The following ADAMTS3 variants were observed in gnomAD, a reference collection of about 807,000 sequenced individuals.
ADAMTS3 encodes A disintegrin and metalloproteinase with thrombospondin motifs 3.
Under a neutral mutation model 129.0 loss-of-function variants are expected in ADAMTS3, and 73 were observed. The observed-to-expected ratio is 0.57, with a 90% CI of 0.47 to 0.69. The LOEUF is 0.69. ADAMTS3 is among the 30% of genes least tolerant of loss of function. The probability of loss-of-function intolerance (pLI) is 0.00; values close to 1 mark genes in which losing one functional copy is unlikely to be tolerated. For synonymous variants in ADAMTS3, 477 were observed against 510.8 expected (o/e 0.93, Z 0.89); for missense variants, 1,457 against 1,514.5 (o/e 0.96, Z 0.63).
In ADAMTS3 at chr4:72,350,337, T is replaced by C. The variant is rs570725098; in HGVS notation, c.662-10644A>G. On this transcript the variant is annotated intron_variant, in intron 4 of 21. Transcript: ENST00000286657. ...TTTATATCTTCTATGTTTTCTAAGA[T>C]GTATAAACTATAGATTTAATGATTG... 3.3e-5 allele frequency among the ~76,000 whole-genome samples: 5 copies of C among 152,194 alleles called. 1 individual carries two copies. The South Asian group carries it at 1.0e-3, about 32-fold the overall frequency.
At chr4:72,418,478 A>G (rs1368939260) in intron 3 of ADAMTS3, among the ~76,000 whole-genome samples, 2 of 152,142 alleles carry the variant, frequency 1.3e-5, no homozygotes, top group Admixed American at 1.3e-4. Flanking sequence ...ACTCCACACA[A>G]TCATCCAGGA....
chr4:72,407,280 G>T (rs914126665), intron 4 of ADAMTS3, among the ~76,000 whole-genome samples: 2 of 151,866 alleles, frequency 1.3e-5, no homozygotes, highest in East Asian at 3.9e-4. Flanking sequence ...TAAAAAAAAT[G>T]GTTCTAATAC....
At chr4:72,452,830 T>C (rs1289122735) in intron 3 of ADAMTS3, among the ~76,000 whole-genome samples, 1 of 151,894 alleles carries the variant, frequency 6.6e-6, no homozygotes, top group Admixed American at 6.6e-5. Context: ...GTTCTAACTA[T>C]TTACTTGTGT....
chr4:72,523,679 A>C (rs1238214086), intron 3 of ADAMTS3, among the ~76,000 whole-genome samples: 1 of 152,040 alleles, frequency 6.6e-6, no homozygotes, highest in African/African-American at 2.4e-5. Flanking sequence ...TGAACTTACC[A>C]ATATGCAACC....
chr4:72,535,707 CT>C (rs1721169167), intron 3 of ADAMTS3, among the ~76,000 whole-genome samples: 5 of 152,080 alleles, frequency 3.3e-5, no homozygotes, highest in African/African-American at 9.7e-5. Context: ...ACACCCACTC[CT>C]TGCTGGATGC....
chr4:72,490,656 A>C (rs771229415), intron 3 of ADAMTS3, among the ~76,000 whole-genome samples: 3 of 151,830 alleles, frequency 2.0e-5, no homozygotes, highest in Non-Finnish European at 4.4e-5. Context: ...CAGTTGACTG[A>C]GTATGCGTGA....
chr4:72,451,653 C>A (rs1178903152), intron 3 of ADAMTS3, among the ~76,000 whole-genome samples: 1 of 151,746 alleles, frequency 6.6e-6, no homozygotes, highest in Non-Finnish European at 1.5e-5. Context: ...TGATTCCAAA[C>A]TTTCAAAGTA....
intron 15 of ADAMTS3, among the ~76,000 whole-genome samples, chr4:72,308,318 G>A (rs901110447): frequency 6.6e-6 from 1 of 151,820 alleles, no homozygotes; most frequent in African/African-American, 2.4e-5. Flanking sequence ...AAAAACATTA[G>A]AATATAGTCT....
At chr4:72,353,196 T>C (rs1720488891) in intron 4 of ADAMTS3, among the ~76,000 whole-genome samples, 1 of 151,988 alleles carries the variant, frequency 6.6e-6, no homozygotes, top group Non-Finnish European at 1.5e-5. Context: ...AGGGCTTCCA[T>C]GTCCTTGTTA....
In ADAMTS3 at chr4:72,397,008, T is replaced by C. The variant is rs188816306; in HGVS notation, c.661+17807A>G. ...CAGCCAAATCCACTCCTTTTTCACATTGGAGTTGACACATTTCATGCCCTC... is the reference window on the plus strand; with the variant it reads ...CAGCCAAATCCACTCCTTTTTCACACTGGAGTTGACACATTTCATGCCCTC... On this transcript the variant is annotated intron_variant, in intron 4 of 21. Transcript: ENST00000286657. Among the ~76,000 whole-genome samples, 169 of 152,268 alleles carry C rather than the reference T, an allele frequency of 1.1e-3. 1 individual carries two copies. Among genetic ancestry groups the C allele is most frequent in the African/African-American group, 3.7e-3 (155 of 41,552 alleles).
At chr4:72,372,371 CA>C (rs1721031079) in intron 4 of ADAMTS3, among the ~76,000 whole-genome samples, 1 of 151,648 alleles carries the variant, frequency 6.6e-6, no homozygotes, top group South Asian at 2.1e-4. Context: ...TACAAATTGC[CA>C]ATATAAGGAA....
intron 3 of ADAMTS3, among the ~76,000 whole-genome samples, chr4:72,529,231 G>A (rs1720894332): frequency 6.6e-6 from 1 of 152,152 alleles, no homozygotes; most frequent in South Asian, 2.1e-4. Context: ...AACGAAGTAA[G>A]GAGTTGAGGG....
chr4:72,365,898 T>C (rs1207907228), intron 4 of ADAMTS3, among the ~76,000 whole-genome samples: 2 of 152,194 alleles, frequency 1.3e-5, no homozygotes, highest in African/African-American at 4.8e-5. Flanking sequence ...TACTGATGAA[T>C]TTTATGGTTC....
At chr4:72,341,452 C>T (rs1241195742) in intron 4 of ADAMTS3, among the ~76,000 whole-genome samples, 1 of 152,204 alleles carries the variant, frequency 6.6e-6, no homozygotes, top group East Asian at 1.9e-4. Context: ...CAAACCCTCA[C>T]TGAGGTTAAG....
rs1722044414 is a variant in ADAMTS3 at position 72,567,419 on chromosome 4, A to G, written c.70-18T>C. On this transcript the variant is annotated intron_variant, in intron 1 of 21. Coordinates refer to ENST00000286657, the MANE Select transcript of ADAMTS3 (RefSeq NM_014243.3). Reference sequence around the variant, plus strand: ...TTACCAGCCTGGAAAGGAGGGGGAAAGCAAGAAAAAGAAAGTTACTGGGTT... The same window carrying G: ...TTACCAGCCTGGAAAGGAGGGGGAAGGCAAGAAAAAGAAAGTTACTGGGTT... 6.2e-7 allele frequency: 1 copy of G among 1,612,802 alleles called. No individual in the cohort carries two copies. Among genetic ancestry groups the G allele is most frequent in the Non-Finnish European group, 8.5e-7 (1 of 1,179,106 alleles).
At chr4:72,567,449 CT>C in intron 1 of ADAMTS3, 48 bp from the exon 2 acceptor site, 1 of 1,577,440 alleles carries the variant, frequency 6.3e-7, no homozygotes, top group Non-Finnish European at 8.7e-7. Flanking sequence ...TGGGTTTCAT[CT>C]TATCACCTTG....
At chr4:72,460,149 T>G (rs1718726979) in intron 3 of ADAMTS3, among the ~76,000 whole-genome samples, 1 of 151,524 alleles carries the variant, frequency 6.6e-6, no homozygotes, top group Non-Finnish European at 1.5e-5. Flanking sequence ...GCCCCCACTT[T>G]TTTTACCGGT....
chr4:72,527,839 A>T (rs374786019), intron 3 of ADAMTS3, among the ~76,000 whole-genome samples: 2 of 152,174 alleles, frequency 1.3e-5, no homozygotes, highest in Non-Finnish European at 1.5e-5. Flanking sequence ...CAGAGGAAGA[A>T]TTCATCCAAC....
chr4:72,478,168 G>A (rs1237875498), intron 3 of ADAMTS3, among the ~76,000 whole-genome samples: 2 of 152,172 alleles, frequency 1.3e-5, no homozygotes, highest in Non-Finnish European at 2.9e-5. Context: ...CAGAAAAAGA[G>A]GGAATCTTCT....
Sources: gnomAD v4.1 joint callset for allele counts (sites outside exome capture counted in the v4.1 genomes callset) on GRCh38, gnomAD v4.1.1 for gene constraint, MANE v1.5 for transcripts, NCBI Gene and HGNC (gene_info 2026-07-23, HGNC 2026-07-21) for gene names.